The following GNA13 variants were observed in gnomAD, a reference collection of about 807,000 sequenced individuals.
GNA13 encodes guanine nucleotide-binding protein subunit alpha-13.
In GNA13, 4 loss-of-function variants were observed where a neutral mutation model predicts 33.5. The ratio of observed to expected loss-of-function variants is 0.12; its 90% CI spans 0.06 to 0.27. The LOEUF is 0.27. Ranked by LOEUF, GNA13 falls within the 10% of genes least tolerant of loss-of-function variation. GNA13 has a pLI of 1.00. For missense variants in GNA13, 319 were observed against 487.2 expected, an observed-to-expected ratio of 0.65 and a Z score of 3.25; for synonymous variants, 176 against 183.8, an observed-to-expected ratio of 0.96 and a Z score of 0.34.
chr17:65,035,971 A>G (rs1907233077), intron 2 of GNA13, among the ~76,000 whole-genome samples: 2 of 152,194 alleles, frequency 1.3e-5, no homozygotes, highest in South Asian at 2.1e-4. Context: ...CAGGTGGAAA[A>G]TTCTGCTGTG....
chr17:65,037,789 A>AAAAAAAAAAAAT (rs1907307609), intron 2 of GNA13, among the ~76,000 whole-genome samples: 1 of 149,488 alleles, frequency 6.7e-6, no homozygotes, highest in Non-Finnish European at 1.5e-5. Context: ...AAAAAAAAAA[A>AAAAAAAAAAAAT]AAAAAAAAAA....
At chr17:65,040,497 C>G (rs1907414898) in intron 2 of GNA13, among the ~76,000 whole-genome samples, 1 of 152,034 alleles carries the variant, frequency 6.6e-6, no homozygotes, top group African/African-American at 2.4e-5. Context: ...TGTGAACATA[C>G]AGTATTATTT....
intron 2 of GNA13, among the ~76,000 whole-genome samples, chr17:65,048,982 AC>A (rs1231404573): frequency 6.6e-6 from 1 of 151,986 alleles, no homozygotes; most frequent in Non-Finnish European, 1.5e-5. Flanking sequence ...ACACATTTCA[AC>A]CCCCCCAAAT....
chr17:65,028,660 G>A (rs1034510732), intron 2 of GNA13, among the ~76,000 whole-genome samples: 1 of 151,980 alleles, frequency 6.6e-6, no homozygotes, highest in Non-Finnish European at 1.5e-5. Context: ...ACTTGTCTTG[G>A]CCTCAACACT....
chr17:65,042,661 C>T (rs956165058), intron 2 of GNA13, among the ~76,000 whole-genome samples: 6 of 151,942 alleles, frequency 3.9e-5, no homozygotes, highest in African/African-American at 1.5e-4. Flanking sequence ...CACTTGAACC[C>T]GGGAGAGGGA....
chr17:65,043,089 G>T (rs1014029937), intron 2 of GNA13, among the ~76,000 whole-genome samples: 1 of 152,072 alleles, frequency 6.6e-6, no homozygotes. Flanking sequence ...TACAGTTGCA[G>T]AACTAGAAAT....
At chr17:65,042,303 A>G (rs994031895) in intron 2 of GNA13, among the ~76,000 whole-genome samples, 7 of 150,574 alleles carry the variant, frequency 4.6e-5, no homozygotes, top group African/African-American at 7.4e-5. Flanking sequence ...GGTTGCCATG[A>G]GCTGAGATCA....
rs753497527 is a variant in GNA13 at position 65,010,032 on chromosome 17, GTA to G, written c.*4223_*4224del. ...AACTTTCATCATCAACAGCAGATTTGTATATGTCACAAAACTCTCCTTATCAA... is the reference window on the plus strand; with the variant it reads ...AACTTTCATCATCAACAGCAGATTTGTATGTCACAAAACTCTCCTTATCAA... On this transcript the variant is annotated 3_prime_UTR_variant, in exon 4 of 4. Coordinates refer to ENST00000439174, the MANE Select transcript of GNA13 (RefSeq NM_006572.6). Among the ~76,000 whole-genome samples the G allele has an allele frequency of 1.2e-4, 18 of 152,254 alleles. No individual in the cohort carries two copies. Among genetic ancestry groups the G allele is most frequent in the East Asian group, 3.9e-4 (2 of 5,178 alleles).
intron 3 of GNA13, among the ~76,000 whole-genome samples, chr17:65,015,662 T>TG (rs768849625): frequency 1.3e-5 from 1 of 74,720 alleles, no homozygotes; most frequent in Admixed American, 1.9e-4. Context: ...GACTTTGTCT[T>TG]AAAAAAAAAA....
intron 2 of GNA13, among the ~76,000 whole-genome samples, chr17:65,037,938 T>C (rs1223631220): frequency 2.6e-5 from 4 of 152,132 alleles, no homozygotes; most frequent in Admixed American, 2.0e-4. Context: ...CCTCAATTTC[T>C]ATCTCTAGCC....
chr17:65,031,917 AGAGAGTGTGTGTGTGTGTGTGTGTGTGT>A (rs1907050325), intron 2 of GNA13, among the ~76,000 whole-genome samples: 4 of 128,184 alleles, frequency 3.1e-5, no homozygotes, highest in African/African-American at 1.3e-4. Flanking sequence ...AGAGAGAGAG[AGAGAGTGTGTGTGTGTGTGTGTGTGTGT>A]GTGTGTGTGT....
In GNA13 at chr17:65,040,836, T is replaced by C. The variant is rs977149754; in HGVS notation, c.510+12666A>G. On this transcript the variant is annotated intron_variant, in intron 2 of 3. Coordinates refer to ENST00000439174, the MANE Select transcript of GNA13 (RefSeq NM_006572.6). ...ACCCGTTAGTTGAATAGCAACTTTA[T>C]CTGTCTAAAGTATACCCCCGTACAT... 2.6e-5 allele frequency among the ~76,000 whole-genome samples: 4 copies of C among 152,214 alleles called. No homozygotes were observed. The East Asian group carries it at 7.7e-4, about 29-fold the overall frequency.
chr17:65,013,918 G>A lies in GNA13; in HGVS notation c.*339C>T, dbSNP rs1411113708. On this transcript the variant is annotated 3_prime_UTR_variant, in exon 4 of 4. Transcript: ENST00000439174. Reference sequence around the variant, plus strand: ...CCTACAAGTATTTAAGGACACCTTTGATACTTGGCACTGCAGGAGAATTCA... The same window carrying A: ...CCTACAAGTATTTAAGGACACCTTTAATACTTGGCACTGCAGGAGAATTCA... The A allele has an allele frequency of 3.4e-6, 1 of 297,966 alleles. No homozygotes were observed. Among genetic ancestry groups the A allele is most frequent in the African/African-American group, 2.1e-5 (1 of 47,458 alleles). The allele number at this position is 297,966 out of a possible 1,614,324, so 18.5% of individuals were successfully genotyped here. A position where few individuals can be genotyped will look rare whatever the true frequency, so the allele number is the denominator to read the frequency against.
In GNA13 at chr17:65,056,607, C is replaced by G. The variant is rs1436593771; in HGVS notation, c.-14G>C. The stretch of plus-strand genomic sequence containing the variant: ...GAAGTCCGCCATCTTGCCGCCGCCG[C>G]CGCCGCCTCGGCGGGCCCCTCCGGC... On this transcript the variant is annotated 5_prime_UTR_variant, in exon 1 of 4. Transcript: ENST00000439174. 2 of 1,597,732 alleles carry G rather than the reference C, an allele frequency of 1.3e-6. No individual in the cohort carries two copies. The highest frequency in any genetic ancestry group is 1.7e-6 in the Non-Finnish European group (2 of 1,176,060).
At chr17:65,041,520 T>G (rs1907452958) in intron 2 of GNA13, among the ~76,000 whole-genome samples, 1 of 152,092 alleles carries the variant, frequency 6.6e-6, no homozygotes, top group South Asian at 2.1e-4. Flanking sequence ...AATATATATG[T>G]ATTTTGTGAA....
chr17:65,039,151 T>C (rs1330447714), intron 2 of GNA13, among the ~76,000 whole-genome samples: 2 of 152,192 alleles, frequency 1.3e-5, no homozygotes, highest in Non-Finnish European at 2.9e-5. Flanking sequence ...TCTTAATATA[T>C]GCCTTTCTTC....
In GNA13 at chr17:65,014,870, A is replaced by T; in HGVS notation, c.562-41T>A. The T allele has an allele frequency of 7.9e-7, 1 of 1,260,868 alleles. No individual in the cohort carries two copies. The highest frequency in any genetic ancestry group is 1.1e-6 in the Non-Finnish European group (1 of 887,058). The allele number at this position is 1,260,868 out of a possible 1,614,324, so 78.1% of individuals were successfully genotyped here. On this transcript the variant is annotated intron_variant, in intron 3 of 3. Transcript: ENST00000439174. The surrounding 1 kb of genome is among the most constrained non-coding windows in gnomAD (Gnocchi z 5.3). Reference sequence around the variant, plus strand: ...CTTGTTTTATACCTATTAATCCCGAAGTAATGCGAATTTTTAATGGACTAC... The same window carrying T: ...CTTGTTTTATACCTATTAATCCCGATGTAATGCGAATTTTTAATGGACTAC...
intron 2 of GNA13, among the ~76,000 whole-genome samples, chr17:65,038,972 C>A (rs140822813): frequency 6.6e-6 from 1 of 152,148 alleles, no homozygotes; most frequent in Non-Finnish European, 1.5e-5. Context: ...ATTTACACCA[C>A]CATAAAGTAA....
chr17:65,056,296 T>C lies in GNA13; in HGVS notation c.283+15A>G. 3.8e-6 allele frequency: 4 copies of C among 1,039,080 alleles called. No homozygotes were observed. Among genetic ancestry groups the C allele is most frequent in the Admixed American group, 2.0e-5 (1 of 50,362 alleles). 64.4% of individuals were successfully genotyped at this position (1,039,080 alleles called of 1,614,324 possible). A position where few individuals can be genotyped will look rare whatever the true frequency, so the allele number is the denominator to read the frequency against. On this transcript the variant is annotated intron_variant, in intron 1 of 3. Transcript: ENST00000439174. ...CCCTGCCCTTAACCCCCGGCCCCCA[T>C]TCCCGGCCCGGCACCTTTGATCACG... is the stretch of plus-strand genomic sequence containing the variant.
Sources: allele counts gnomAD v4.1 joint callset (sites outside exome capture counted in the v4.1 genomes callset), GRCh38; gene constraint gnomAD v4.1.1; non-coding constraint Gnocchi (gnomAD v3.1); transcripts MANE v1.5; gene names NCBI Gene and HGNC (gene_info 2026-07-23, HGNC 2026-07-21).